The following CIMAP1D variants were observed in gnomAD, a reference collection of about 807,000 sequenced individuals.
CIMAP1D encodes protein CIMAP1D.
At chr19:478,749 T>C in the CIMAP1D span, among the ~76,000 whole-genome samples, 1 of 152,288 alleles carries the variant, frequency 6.6e-6, no homozygotes. Flanking sequence ...AGGCCGGCCC[T>C]ACGTCCACCC....
At chr19:479,334 G>A in the CIMAP1D span, among the ~76,000 whole-genome samples, 1 of 148,426 alleles carries the variant, frequency 6.7e-6, no homozygotes, top group Non-Finnish European at 1.5e-5. Flanking sequence ...ACTAAGGGCT[G>A]TAGAAGCTCA....
chr19:488,169 A>C, the CIMAP1D span, among the ~76,000 whole-genome samples: 2 of 151,944 alleles, frequency 1.3e-5, no homozygotes, highest in Non-Finnish European at 2.9e-5. Flanking sequence ...TCCTTCTCTA[A>C]CTGGGTGTCT....
the CIMAP1D span, among the ~76,000 whole-genome samples, chr19:472,084 A>G: frequency 7.2e-5 from 11 of 152,238 alleles, no homozygotes; most frequent in Admixed American, 5.9e-4. Flanking sequence ...GTTGCAAAGC[A>G]CTTAAGCAAT....
At chr19:480,543 GA>G in the CIMAP1D span, among the ~76,000 whole-genome samples, 4 of 138,652 alleles carry the variant, frequency 2.9e-5, no homozygotes, top group African/African-American at 1.3e-4. Context: ...GGATGATGGG[GA>G]AGGATGATGG....
At chr19:486,420 CTGAT>C in the CIMAP1D span, among the ~76,000 whole-genome samples, 12 of 151,776 alleles carry the variant, frequency 7.9e-5, no homozygotes, top group Non-Finnish European at 1.8e-4. Context: ...CCTTGGACCA[CTGAT>C]TGATTGATTG....
chr19:481,449 G>GGGGAAGGATGAT, the CIMAP1D span, among the ~76,000 whole-genome samples: 1 of 56,708 alleles, frequency 1.8e-5, no homozygotes, highest in Non-Finnish European at 2.9e-5. Flanking sequence ...GAAGGATGAT[G>GGGGAAGGATGAT]GGGAAGGATG....
chr19:488,222 T>C, the CIMAP1D span, among the ~76,000 whole-genome samples: 2 of 149,712 alleles, frequency 1.3e-5, no homozygotes, highest in Non-Finnish European at 3.0e-5. Flanking sequence ...CTATCTCTAC[T>C]AAAAATACAA....
chr19:478,928 AC>A, the CIMAP1D span, among the ~76,000 whole-genome samples: 11 of 152,252 alleles, frequency 7.2e-5, no homozygotes, highest in African/African-American at 2.4e-4. Context: ...ACGGGAGAGG[AC>A]AAAACACACA....
the CIMAP1D span, among the ~76,000 whole-genome samples, chr19:477,403 G>A: frequency 2.6e-5 from 4 of 151,948 alleles, no homozygotes; most frequent in African/African-American, 7.2e-5. Flanking sequence ...GTGAAACCCC[G>A]TCTCTATTAA....
the CIMAP1D span, chr19:475,033 T>C: frequency 1.5e-4 from 49 of 334,760 alleles, no homozygotes; most frequent in East Asian, 2.1e-3. Flanking sequence ...GTCAGCAGAG[T>C]GCGTCTCCCG....
At chr19:464,077 T>C in the CIMAP1D span, 4 of 1,492,706 alleles carry the variant, frequency 2.7e-6, no homozygotes, top group African/African-American at 2.9e-5. Context: ...CGGTAGGTGT[T>C]TGCGTCCGGG....
chr19:483,266 A>AC, the CIMAP1D span, among the ~76,000 whole-genome samples: 1 of 15,734 alleles, frequency 6.4e-5, no homozygotes, highest in East Asian at 2.6e-3. Context: ...CCCAACACCC[A>AC]CCCCCACCTC....
the CIMAP1D span, among the ~76,000 whole-genome samples, chr19:486,962 G>T: frequency 1.3e-5 from 2 of 152,048 alleles, no homozygotes; most frequent in African/African-American, 4.8e-5. Flanking sequence ...ATGTTGGCCA[G>T]GCTGGTCTCA....
the CIMAP1D span, among the ~76,000 whole-genome samples, chr19:479,415 G>GC: frequency 1.4e-5 from 2 of 141,510 alleles, no homozygotes; most frequent in Non-Finnish European, 3.0e-5. Flanking sequence ...TTTTTTTGGG[G>GC]GGGGGGGGGA....
At chr19:469,559 G>A in the CIMAP1D span, among the ~76,000 whole-genome samples, 4 of 151,946 alleles carry the variant, frequency 2.6e-5, no homozygotes, top group South Asian at 2.1e-4. Context: ...GCGTGGTGGC[G>A]GGCGCCTGTA....
chr19:490,644 G>A, the CIMAP1D span, among the ~76,000 whole-genome samples: 1 of 152,202 alleles, frequency 6.6e-6, no homozygotes, highest in African/African-American at 2.4e-5. Context: ...AGCTGCGTCC[G>A]TTTCTAAGTT....
chr19:477,929 C>T, the CIMAP1D span, among the ~76,000 whole-genome samples: 5 of 152,230 alleles, frequency 3.3e-5, no homozygotes, highest in African/African-American at 9.6e-5. Flanking sequence ...TTCCCTCCCT[C>T]GAGCCCCTAA....
chr19:480,946 G>A, the CIMAP1D span, among the ~76,000 whole-genome samples: 3 of 149,376 alleles, frequency 2.0e-5, no homozygotes, highest in African/African-American at 7.4e-5. Flanking sequence ...AAGGATGATG[G>A]AGAAGGAATG....
chr19:465,430 AGT>A, the CIMAP1D span, among the ~76,000 whole-genome samples: 1 of 78,956 alleles, frequency 1.3e-5, no homozygotes, highest in African/African-American at 5.1e-5. Context: ...TGGGTAGGTG[AGT>A]AGATGGTTGG....
Sources: gnomAD v4.1 joint callset for allele counts (sites outside exome capture counted in the v4.1 genomes callset) on GRCh38, gnomAD v4.1.1 for gene constraint, MANE v1.5 for transcripts, NCBI Gene and HGNC (gene_info 2026-07-23, HGNC 2026-07-21) for gene names.